Variants in RALGPS1 observed in about 807,000 individuals in gnomAD.
RALGPS1 encodes the protein ras-specific guanine nucleotide-releasing factor RalGPS1.
In RALGPS1, 19 loss-of-function variants were observed where a neutral mutation model predicts 78.8. The ratio of observed to expected loss-of-function variants is 0.24; its 90% CI spans 0.17 to 0.35. The LOEUF is 0.35. RALGPS1 is among the 10% of genes least tolerant of loss of function. The pLI is 1.00. For synonymous variants in RALGPS1, 228 were observed against 256.3 expected (o/e 0.89, Z 1.06); for missense variants, 454 against 688.3 (o/e 0.66, Z 3.81).
chr9:127,198,403 ATC>A (rs1207265288), intron 13 of RALGPS1, among the ~76,000 whole-genome samples: 1 of 152,048 alleles, frequency 6.6e-6, no homozygotes. Flanking sequence ...AGAGGAGAAA[ATC>A]TCTCCTCCAA....
rs1216724542 is a variant in RALGPS1 at position 127,073,450 on chromosome 9, G to GTGTGTGTGTGTGTC, written c.610+4107_610+4108insCTGTGTGTGTGTGT. On this transcript the variant is annotated intron_variant, in intron 8 of 18. Transcript: ENST00000259351. The stretch of plus-strand genomic sequence containing the variant: ...TTATGGCCAAGTAGTACACCATTGT[G>GTGTGTGTGTGTGTC]TGTGTGTGTGTGTGTCTGTGTGTGT... Among the ~76,000 whole-genome samples, 15 of 110,750 alleles carry GTGTGTGTGTGTGTC rather than the reference G, an allele frequency of 1.4e-4. No homozygotes were observed. The East Asian group carries it at 2.7e-3, about 20-fold the overall frequency. The allele number at this position is 110,750 out of a possible 152,430, so 72.7% of individuals were successfully genotyped here. A position where few individuals can be genotyped will look rare whatever the true frequency, so the allele number is the denominator to read the frequency against.
intron 1 of RALGPS1, among the ~76,000 whole-genome samples, chr9:126,935,106 C>T (rs978160164): frequency 6.6e-6 from 1 of 152,336 alleles, no homozygotes; most frequent in East Asian, 1.9e-4. Context: ...TCTGCTCTCC[C>T]CAGCTCGCGG....
intron 1 of RALGPS1, among the ~76,000 whole-genome samples, chr9:126,956,078 C>T (rs1319082473): frequency 2.6e-5 from 4 of 152,208 alleles, no homozygotes; most frequent in African/African-American, 9.7e-5. Context: ...GGGCCACTGT[C>T]TACTCCCGAG....
intron 8 of RALGPS1, among the ~76,000 whole-genome samples, chr9:127,114,633 C>CA (rs1190902215): frequency 6.6e-6 from 1 of 152,228 alleles, no homozygotes; most frequent in Non-Finnish European, 1.5e-5. Flanking sequence ...ACCCCCTCAC[C>CA]ACCCGTCCTC....
At chr9:126,933,828 G>A (rs2036022723) in intron 1 of RALGPS1, among the ~76,000 whole-genome samples, 1 of 152,110 alleles carries the variant, frequency 6.6e-6, no homozygotes, top group African/African-American at 2.4e-5. Flanking sequence ...GGGGGGGTGT[G>A]CCACACCCAC....
intron 4 of RALGPS1, chr9:127,016,963 C>T (rs1161166519): frequency 6.6e-6 from 1 of 152,084 alleles, no homozygotes. Flanking sequence ...CTGCATGTGG[C>T]TGTTGAGCAT....
intron 10 of RALGPS1, among the ~76,000 whole-genome samples, chr9:127,172,003 C>G (rs562346083): frequency 6.6e-6 from 1 of 152,304 alleles, no homozygotes; most frequent in Non-Finnish European, 1.5e-5. Context: ...ATAATTCTTA[C>G]TGTTTAGTAT....
chr9:127,069,615 G>A (rs2050020168), intron 8 of RALGPS1: 1 of 388,488 alleles, frequency 2.6e-6, no homozygotes. Flanking sequence ...CTGCAGCCCA[G>A]ATGGGTCACA....
At chr9:126,962,680 G>T (rs1039586910) in intron 2 of RALGPS1, among the ~76,000 whole-genome samples, 8 of 152,236 alleles carry the variant, frequency 5.3e-5, no homozygotes, top group Non-Finnish European at 4.4e-5. Context: ...ACACATTCCG[G>T]AATGAAGTCA....
chr9:126,953,067 T>G (rs2038012435), intron 1 of RALGPS1, among the ~76,000 whole-genome samples: 4 of 152,326 alleles, frequency 2.6e-5, no homozygotes, highest in Admixed American at 1.3e-4. Flanking sequence ...AGGAGTGGTC[T>G]GCATTGGACT....
intron 8 of RALGPS1, among the ~76,000 whole-genome samples, chr9:127,073,448 G>GTGTGTGTGTGTGTGTC (rs767703824): frequency 4.5e-5 from 6 of 134,416 alleles, no homozygotes; most frequent in Non-Finnish European, 9.6e-5. Flanking sequence ...GTACACCATT[G>GTGTGTGTGTGTGTGTC]TGTGTGTGTG....
At chr9:127,203,003 G>A (rs2140846633) in intron 14 of RALGPS1, among the ~76,000 whole-genome samples, 1 of 152,338 alleles carries the variant, frequency 6.6e-6, no homozygotes, top group African/African-American at 2.4e-5. Context: ...GAAACCAACA[G>A]GGAAGGGAGC....
intron 1 of RALGPS1, among the ~76,000 whole-genome samples, chr9:126,936,357 A>G (rs899875376): frequency 2.0e-5 from 3 of 152,204 alleles, no homozygotes; most frequent in Non-Finnish European, 4.4e-5. Flanking sequence ...AGAACTTCCA[A>G]AGCGAGGAGA....
chr9:127,011,498 A>G (rs1232259896), intron 4 of RALGPS1, among the ~76,000 whole-genome samples: 3 of 152,148 alleles, frequency 2.0e-5, no homozygotes, highest in Non-Finnish European at 4.4e-5. Flanking sequence ...TTTTTATGGA[A>G]GTGCACTTCC....
intron 14 of RALGPS1, among the ~76,000 whole-genome samples, chr9:127,203,445 A>C (rs1349981576): frequency 6.6e-6 from 1 of 152,182 alleles, no homozygotes; most frequent in Admixed American, 6.5e-5. Context: ...GGTCGGAATC[A>C]CCTGTCTCTG....
intron 8 of RALGPS1, among the ~76,000 whole-genome samples, chr9:127,162,622 A>G (rs554829571): frequency 1.3e-5 from 2 of 152,252 alleles, no homozygotes; most frequent in East Asian, 3.9e-4. Flanking sequence ...CGCAGCAGGT[A>G]TGGCCTTGGC....
intron 8 of RALGPS1, among the ~76,000 whole-genome samples, chr9:127,121,807 C>G (rs2056118509): frequency 1.3e-5 from 2 of 152,200 alleles, no homozygotes; most frequent in South Asian, 4.1e-4. Flanking sequence ...CAGAGGCAGC[C>G]CAGCTCCTGT....
At chr9:127,213,956 T>A (rs2062430083) in intron 17 of RALGPS1, 1 of 152,184 alleles carries the variant, frequency 6.6e-6, no homozygotes, top group Admixed American at 6.5e-5. Flanking sequence ...AAAGGGAGCC[T>A]CCAGGAGCCT....
chr9:127,086,254 G>T (rs1275214742), intron 8 of RALGPS1, among the ~76,000 whole-genome samples: 1 of 152,230 alleles, frequency 6.6e-6, no homozygotes, highest in Non-Finnish European at 1.5e-5. Flanking sequence ...TAGAAGGATT[G>T]CTGGGGCCCA....
Sources: allele counts gnomAD v4.1 joint callset (sites outside exome capture counted in the v4.1 genomes callset), GRCh38; gene constraint gnomAD v4.1.1; transcripts MANE v1.5; gene names NCBI Gene and HGNC (gene_info 2026-07-23, HGNC 2026-07-21).